The following PDSS2 variants were observed in gnomAD, a reference collection of about 807,000 sequenced individuals.
PDSS2 encodes the protein decaprenyl diphosphate synthase subunit 2.
Under a neutral mutation model 44.5 loss-of-function variants are expected in PDSS2, and 31 were observed. The observed-to-expected ratio is 0.70, with a 90% CI of 0.52 to 0.94. PDSS2 has a LOEUF of 0.94. Ranked by LOEUF, PDSS2 falls within the 40% of genes least tolerant of loss-of-function variation. PDSS2 has a pLI of 0.00. For missense variants in PDSS2, 452 were observed against 482.2 expected (o/e 0.94, Z 0.59); for synonymous variants, 157 against 180.3 (o/e 0.87, Z 1.03).
intron 3 of PDSS2, chr6:107,264,256 T>C: frequency 7.5e-7 from 1 of 1,338,892 alleles, no homozygotes; most frequent in Non-Finnish European, 9.7e-7. Flanking sequence ...ATTGAGCATA[T>C]TTGTACAAAC....
chr6:107,301,478 C>T (rs1357059158), intron 2 of PDSS2, among the ~76,000 whole-genome samples: 1 of 150,302 alleles, frequency 6.7e-6, no homozygotes, highest in African/African-American at 2.4e-5. Flanking sequence ...ACAAAACAAG[C>T]ATTACTTTCA....
chr6:107,282,306 G>A (rs962246606), intron 2 of PDSS2, among the ~76,000 whole-genome samples: 2 of 152,200 alleles, frequency 1.3e-5, no homozygotes, highest in Non-Finnish European at 2.9e-5. Context: ...AATCAGAGTT[G>A]GAAGTGACCC....
intron 6 of PDSS2, among the ~76,000 whole-genome samples, chr6:107,206,969 T>C (rs887034289): frequency 2.6e-5 from 4 of 151,852 alleles, no homozygotes; most frequent in Non-Finnish European, 5.9e-5. Context: ...GTAGTATGGG[T>C]AATTCAAAGA....
intron 6 of PDSS2, among the ~76,000 whole-genome samples, chr6:107,205,051 G>C (rs1356118104): frequency 6.6e-6 from 1 of 152,186 alleles, no homozygotes; most frequent in Admixed American, 6.5e-5. Flanking sequence ...AGAACTAGAA[G>C]AGTATCACAT....
chr6:107,245,418 C>CAAAAAAAAAAAAAA (rs35614951), intron 4 of PDSS2, 130 bp downstream of exon 4: 3 of 115,910 alleles, frequency 2.6e-5, no homozygotes, highest in African/African-American at 2.3e-4. Flanking sequence ...AAACACTAAT[C>CAAAAAAAAAAAAAA]AAAAAAAAAA....
chr6:107,243,367 C>T (rs1006524216), intron 4 of PDSS2, among the ~76,000 whole-genome samples: 8 of 152,138 alleles, frequency 5.3e-5, no homozygotes, highest in East Asian at 3.8e-4. Context: ...TATTAACTGT[C>T]GTAGCTGTCA....
rs998331035 is a variant in PDSS2, at chr6:107,284,618, G to A, written c.432-10391C>T. Among the ~76,000 whole-genome samples, 5 of 147,746 alleles carry A rather than the reference G, an allele frequency of 3.4e-5. No homozygotes were observed. In the Admixed American group the frequency reaches 3.4e-4, roughly 10 times the overall value. On this transcript the variant is annotated intron_variant, in intron 2 of 7. Coordinates refer to ENST00000369037, the MANE Select transcript of PDSS2 (RefSeq NM_020381.4). Reference sequence around the variant, plus strand: ...GGAGGTTACAGTGAGCCGAGATGGCGCCATCACACTCCAGCCTGGAGGACA... The same window carrying A: ...GGAGGTTACAGTGAGCCGAGATGGCACCATCACACTCCAGCCTGGAGGACA...
chr6:107,379,030 G>A (rs1475867580), intron 1 of PDSS2, among the ~76,000 whole-genome samples: 2 of 152,218 alleles, frequency 1.3e-5, no homozygotes, highest in Non-Finnish European at 2.9e-5. Context: ...CTCTTGGAAG[G>A]AAGTCACTAT....
intron 1 of PDSS2, among the ~76,000 whole-genome samples, chr6:107,425,987 T>C (rs1583068977): frequency 6.6e-6 from 1 of 151,446 alleles, no homozygotes; most frequent in East Asian, 1.9e-4. Context: ...GAAAATCCCA[T>C]TTTCTGGGGA....
intron 4 of PDSS2, among the ~76,000 whole-genome samples, chr6:107,234,204 T>TTTTTTTTC (rs1774149663): frequency 6.6e-6 from 1 of 152,008 alleles, no homozygotes; most frequent in Admixed American, 6.6e-5. Context: ...TTTTATCTTT[T>TTTTTTTTC]TTTTTTTCTT....
chr6:107,360,383 T>C (rs943145245), intron 1 of PDSS2, among the ~76,000 whole-genome samples: 39 of 152,086 alleles, frequency 2.6e-4, no homozygotes, highest in Non-Finnish European at 2.2e-4. Flanking sequence ...ATAGAGTCTG[T>C]GGAAGTACTC....
At chr6:107,428,963 C>G (rs1479020940) in intron 1 of PDSS2, among the ~76,000 whole-genome samples, 2 of 152,202 alleles carry the variant, frequency 1.3e-5, no homozygotes, top group East Asian at 3.8e-4. Context: ...ATAACTGAAG[C>G]ACGCCAAATT....
chr6:107,334,249 C>T lies in PDSS2; in HGVS notation c.380G>A (p.Ser127Asn), dbSNP rs1027214591. The T allele has an allele frequency of 1.2e-6, 2 of 1,613,748 alleles. No homozygotes were observed. Among genetic ancestry groups the T allele is most frequent in the Admixed American group, 1.7e-5 (1 of 60,004 alleles). The change falls in exon 2 of 8, where the codon AGC becomes AAC. Residue 127 changes from serine to asparagine, a missense_variant. Coordinates refer to ENST00000369037, the MANE Select transcript of PDSS2 (RefSeq NM_020381.4). ...LLISKAAGPS[S>N]VNTSCQNYDM... The stretch of plus-strand genomic sequence containing the variant: ...ATAGTTCTGACATGAAGTGTTCACG[C>T]TGCTGGGCCCAGCTGCTTTAGAGAT...
intron 4 of PDSS2, among the ~76,000 whole-genome samples, chr6:107,236,314 C>T (rs1774220923): frequency 6.6e-6 from 1 of 152,142 alleles, no homozygotes; most frequent in Non-Finnish European, 1.5e-5. Context: ...TAAAAGAGTT[C>T]ATTACTGGCT....
intron 1 of PDSS2, among the ~76,000 whole-genome samples, chr6:107,353,336 C>T (rs1778490618): frequency 6.6e-6 from 1 of 152,058 alleles, no homozygotes; most frequent in South Asian, 2.1e-4. Flanking sequence ...TTCTTTCTTC[C>T]CTAGGCAACA....
intron 3 of PDSS2, among the ~76,000 whole-genome samples, chr6:107,258,014 G>C (rs565167522): frequency 2.2e-3 from 332 of 152,218 alleles, no homozygotes; most frequent in African/African-American, 7.7e-3. Context: ...TGACTTACTT[G>C]TGTAAATCAC....
intron 2 of PDSS2, among the ~76,000 whole-genome samples, chr6:107,291,058 C>CT (rs1776329394): frequency 6.6e-6 from 1 of 151,152 alleles, no homozygotes; most frequent in African/African-American, 2.4e-5. Flanking sequence ...AGCATACATA[C>CT]TTTTGTAAAC....
At chr6:107,245,485 C>A in intron 4 of PDSS2, 63 bp downstream of exon 4, 3 of 561,474 alleles carry the variant, frequency 5.3e-6, no homozygotes, top group East Asian at 4.6e-5. Context: ...ATGACATTTT[C>A]GTTATTCTAG....
At chr6:107,403,523 A>T (rs1387136880) in intron 1 of PDSS2, among the ~76,000 whole-genome samples, 4 of 152,062 alleles carry the variant, frequency 2.6e-5, no homozygotes, top group Admixed American at 2.0e-4. Context: ...GGTGGCTCTG[A>T]CCCCACATTT....
Sources: allele counts gnomAD v4.1 joint callset (sites outside exome capture counted in the v4.1 genomes callset), GRCh38; gene constraint gnomAD v4.1.1; transcripts MANE v1.5; gene names NCBI Gene and HGNC (gene_info 2026-07-23, HGNC 2026-07-21).